Variants in NPAS3 observed in about 807,000 individuals in gnomAD.
NPAS3 encodes the protein neuronal PAS domain-containing protein 3.
NPAS3 carries 14 observed loss-of-function variants against 73.1 expected under a neutral mutation model. The ratio of observed to expected loss-of-function variants is 0.19; its 90% CI spans 0.13 to 0.30. The LOEUF (loss-of-function observed/expected upper bound fraction) is 0.30. Among genes scored for constraint, NPAS3 ranks in the 10% least tolerant of loss-of-function variants. The pLI is 1.00. For synonymous variants in NPAS3, 620 were observed against 541.5 expected (o/e 1.14, Z -2.01); for missense variants, 1,096 against 1,250.0 (o/e 0.88, Z 1.86).
intron 1 of NPAS3, among the ~76,000 whole-genome samples, chr14:33,018,045 A>G (rs1210065762): frequency 1.3e-5 from 2 of 152,206 alleles, no homozygotes; most frequent in Non-Finnish European, 2.9e-5. Flanking sequence ...ACAAAAAAAA[A>G]GAAACTGGTC....
At chr14:33,081,065 G>T (rs2041848912) in intron 2 of NPAS3, among the ~76,000 whole-genome samples, 1 of 152,134 alleles carries the variant, frequency 6.6e-6, no homozygotes, top group African/African-American at 2.4e-5. Flanking sequence ...CTAATAAGCT[G>T]ATGTACAATG....
chr14:33,777,695 G>A (rs1362853655), intron 8 of NPAS3, among the ~76,000 whole-genome samples: 1 of 152,156 alleles, frequency 6.6e-6, no homozygotes, highest in Non-Finnish European at 1.5e-5. Flanking sequence ...TGTAAACCAG[G>A]CGGATTCCCC....
At chr14:33,159,155 T>TC (rs2044756886) in intron 2 of NPAS3, among the ~76,000 whole-genome samples, 1 of 152,036 alleles carries the variant, frequency 6.6e-6, no homozygotes, top group African/African-American at 2.4e-5. Flanking sequence ...GGAGAGAGAC[T>TC]CCATCTCAAA....
At chr14:33,139,943 A>T (rs1352406869) in intron 2 of NPAS3, among the ~76,000 whole-genome samples, 1 of 150,094 alleles carries the variant, frequency 6.7e-6, no homozygotes, top group Non-Finnish European at 1.5e-5. Flanking sequence ...TGCCTGCATG[A>T]TTTTTTTTTT....
intron 7 of NPAS3, among the ~76,000 whole-genome samples, chr14:33,760,603 T>A (rs1326113440): frequency 1.3e-5 from 2 of 151,944 alleles, no homozygotes; most frequent in African/African-American, 4.8e-5. Flanking sequence ...CCCTTCCTTC[T>A]AAAGTGTTAT....
intron 2 of NPAS3, among the ~76,000 whole-genome samples, chr14:33,069,869 G>A (rs1041380290): frequency 1.1e-4 from 17 of 152,194 alleles, no homozygotes; most frequent in African/African-American, 4.1e-4. Context: ...TGAATAATAA[G>A]GTCTCATAGT....
chr14:33,147,499 CTT>C (rs930428678), intron 2 of NPAS3, among the ~76,000 whole-genome samples: 10 of 150,066 alleles, frequency 6.7e-5, no homozygotes, highest in Admixed American at 1.3e-4. Flanking sequence ...AAAAATGACT[CTT>C]ATGTTTAGTT....
chr14:33,222,017 G>A (rs35525797), intron 3 of NPAS3, among the ~76,000 whole-genome samples: 8,856 of 152,112 alleles, frequency 0.058, 326 homozygotes, highest in Non-Finnish European at 0.082. Context: ...CTTAAGCTTA[G>A]GTTCGATGAA....
chr14:33,774,696 T>G (rs149513661), intron 8 of NPAS3, among the ~76,000 whole-genome samples, 166 bp downstream of exon 8: 8 of 152,284 alleles, frequency 5.3e-5, no homozygotes, highest in African/African-American at 1.9e-4. Context: ...TTATTTAAAA[T>G]TTACATTGCT....
Position 33,235,805 on chromosome 14 carries a change from CTTTTTTTTTTTTTT to C in NPAS3, c.385+20390_385+20403del, listed in dbSNP as rs35968798. On this transcript the variant is annotated intron_variant, in intron 3 of 11. Coordinates refer to ENST00000356141, the Ensembl canonical transcript of NPAS3. ...GACTAAAAGTTCTGTTGATACAATTCTTTTTTTTTTTTTTTTTTTTTTTTGAGACAGGGTGTTGC... is the reference window on the plus strand; with the variant it reads ...GACTAAAAGTTCTGTTGATACAATTCTTTTTTTTTTGAGACAGGGTGTTGC... 3.3e-4 allele frequency among the ~76,000 whole-genome samples: 27 copies of C among 80,634 alleles called. No homozygotes were observed. In the Admixed American group the frequency reaches 5.2e-3, roughly 16 times the overall value. The allele number at this position is 80,634 out of a possible 152,430, so 52.9% of individuals were successfully genotyped here.
intron 1 of NPAS3, among the ~76,000 whole-genome samples, chr14:33,048,231 GAA>G (rs947416678): frequency 6.6e-6 from 1 of 152,150 alleles, no homozygotes; most frequent in Admixed American, 6.5e-5. Context: ...AGGTATTACA[GAA>G]ATGTAAGTTA....
At chr14:33,326,545 G>A (rs1393173836) in intron 3 of NPAS3, among the ~76,000 whole-genome samples, 1 of 152,196 alleles carries the variant, frequency 6.6e-6, no homozygotes, top group Non-Finnish European at 1.5e-5. Flanking sequence ...TTTTGTGCAT[G>A]TGTGACAATA....
chr14:33,657,211 T>G (rs2059168783), intron 5 of NPAS3, among the ~76,000 whole-genome samples: 1 of 152,208 alleles, frequency 6.6e-6, no homozygotes, highest in South Asian at 2.1e-4. Flanking sequence ...GCTGTGAGAC[T>G]GTAACAAGCC....
intron 3 of NPAS3, among the ~76,000 whole-genome samples, chr14:33,274,330 T>C (rs957517971): frequency 6.6e-6 from 1 of 152,210 alleles, no homozygotes; most frequent in African/African-American, 2.4e-5. Flanking sequence ...TTAGGCTAAA[T>C]TGAATTTAAC....
In NPAS3 at chr14:33,684,498, G is replaced by A. The variant is rs528897279; in HGVS notation, c.733+8113G>A. On this transcript the variant is annotated intron_variant, in intron 6 of 11. Transcript: ENST00000356141. The stretch of plus-strand genomic sequence containing the variant: ...AGATAATTAGAGATGGGGTTTCACC[G>A]TGTTGGCCAGGCTGGTCTTGAACTC... 9.2e-5 allele frequency among the ~76,000 whole-genome samples: 14 copies of A among 152,010 alleles called. No homozygotes were observed. In the South Asian group the frequency reaches 1.0e-3, roughly 11 times the overall value.
intron 3 of NPAS3, among the ~76,000 whole-genome samples, chr14:33,289,090 G>A (rs932723737): frequency 6.6e-6 from 1 of 152,142 alleles, no homozygotes; most frequent in Non-Finnish European, 1.5e-5. Context: ...TTATGTTGGA[G>A]ATGCCAAGTA....
chr14:33,784,859 T>A (rs968307484), intron 9 of NPAS3, among the ~76,000 whole-genome samples: 1 of 145,328 alleles, frequency 6.9e-6, no homozygotes, highest in Admixed American at 6.9e-5. Context: ...CAAGCAATTC[T>A]CCTGCCTCAG....
At chr14:33,540,309 A>G (rs1001415971) in intron 4 of NPAS3, among the ~76,000 whole-genome samples, 5 of 152,190 alleles carry the variant, frequency 3.3e-5, no homozygotes, top group African/African-American at 1.2e-4. Flanking sequence ...AATCAGCCCA[A>G]TACCTATGCT....
intron 4 of NPAS3, among the ~76,000 whole-genome samples, chr14:33,377,016 A>G (rs1331921181): frequency 6.6e-6 from 1 of 152,252 alleles, no homozygotes; most frequent in Non-Finnish European, 1.5e-5. Flanking sequence ...CTTCAGGAAT[A>G]TAAGAACATT....
Sources: allele counts gnomAD v4.1 joint callset (sites outside exome capture counted in the v4.1 genomes callset), GRCh38; gene constraint gnomAD v4.1.1; transcripts MANE v1.5; gene names NCBI Gene and HGNC (gene_info 2026-07-23, HGNC 2026-07-21).